The following CHRM5 variants were observed in gnomAD, a reference collection of about 807,000 sequenced individuals.
CHRM5 encodes cholinergic receptor muscarinic 5, also known as muscarinic acetylcholine receptor M5.
A neutral mutation model predicts 39.0 loss-of-function variants in CHRM5; 18 were observed. The ratio of observed to expected loss-of-function variants is 0.46; its 90% CI spans 0.32 to 0.68. CHRM5 has a LOEUF of 0.68. Ranked by LOEUF, CHRM5 falls within the 30% of genes least tolerant of loss-of-function variation. CHRM5 has a pLI of 0.04. For synonymous variants in CHRM5, 241 were observed against 246.3 expected (o/e 0.98, Z 0.20); for missense variants, 515 against 651.1 (o/e 0.79, Z 2.28).
chr15:33,992,658 CAAG>C lies in CHRM5; in HGVS notation c.-408+23513_-408+23515del, dbSNP rs1234163939. On this transcript the variant is annotated intron_variant, in intron 1 of 2. Transcript: ENST00000383263. ...ATATTGGCACAAACTATATACCATA[CAAG>C]AAGAGGGAAAAAAATGAGCTGAATC... Among the ~76,000 whole-genome samples, 14 of 9,196 alleles carry C rather than the reference CAAG, an allele frequency of 1.5e-3. No homozygotes were observed. The Admixed American group carries it at 0.017, about 11-fold the overall frequency. The allele number at this position is 9,196 out of a possible 152,430, so 6.0% of individuals were successfully genotyped here.
At chr15:34,011,248 T>C (rs1408975035) in intron 1 of CHRM5, among the ~76,000 whole-genome samples, 1 of 152,084 alleles carries the variant, frequency 6.6e-6, no homozygotes, top group Non-Finnish European at 1.5e-5. Flanking sequence ...CAGGGGGAAC[T>C]ACGCTAGCAA....
chr15:34,022,794 C>T (rs371863477), intron 1 of CHRM5, among the ~76,000 whole-genome samples: 5 of 152,344 alleles, frequency 3.3e-5, no homozygotes, highest in African/African-American at 1.2e-4. Flanking sequence ...TTTTCCTGAC[C>T]TTCTGGCTGG....
intron 1 of CHRM5, among the ~76,000 whole-genome samples, chr15:34,010,114 T>C (rs959218967): frequency 3.3e-5 from 5 of 152,188 alleles, no homozygotes; most frequent in African/African-American, 1.2e-4. Flanking sequence ...CCCCTACCTT[T>C]AATATGGATT....
At chr15:34,031,851 A>G (rs1898852116) in intron 1 of CHRM5, among the ~76,000 whole-genome samples, 1 of 152,198 alleles carries the variant, frequency 6.6e-6, no homozygotes, top group Non-Finnish European at 1.5e-5. Flanking sequence ...GCATCCTCTG[A>G]CAAAACCCAC....
intron 2 of CHRM5, among the ~76,000 whole-genome samples, chr15:34,059,428 C>T (rs540122540): frequency 6.6e-6 from 1 of 152,298 alleles, no homozygotes; most frequent in Admixed American, 6.5e-5. Context: ...TACTTCTCTC[C>T]GGACTAATGC....
intron 1 of CHRM5, among the ~76,000 whole-genome samples, chr15:34,028,937 G>C (rs1051782190): frequency 2.6e-5 from 4 of 152,166 alleles, no homozygotes; most frequent in African/African-American, 7.2e-5. Flanking sequence ...GCAAAAAGCA[G>C]AACACTTACT....
chr15:33,992,237 ACAG>A (rs1215581731), intron 1 of CHRM5, among the ~76,000 whole-genome samples: 1 of 152,046 alleles, frequency 6.6e-6, no homozygotes, highest in Non-Finnish European at 1.5e-5. Context: ...AAAATACAAA[ACAG>A]TTAGCTGGGC....
chr15:34,067,004 A>G lies in CHRM5; in HGVS notation c.*2688A>G, dbSNP rs1900528942. ...TCAGAATGAATAGACCTAATTGTAA[A>G]CTACAGGGACCTGATGGGTGGGTGG... is the stretch of plus-strand genomic sequence containing the variant. On this transcript the variant is annotated 3_prime_UTR_variant, in exon 3 of 3. Transcript: ENST00000383263. 1 of 152,080 alleles carries G rather than the reference A, an allele frequency of 6.6e-6. No individual in the cohort carries two copies. The highest frequency in any genetic ancestry group is 1.5e-5 in the Non-Finnish European group (1 of 68,024). 9.4% of individuals were successfully genotyped at this position (152,080 alleles called of 1,614,324 possible).
chr15:33,994,726 AC>A (rs1896863918), intron 1 of CHRM5, among the ~76,000 whole-genome samples: 1 of 152,190 alleles, frequency 6.6e-6, no homozygotes, highest in Non-Finnish European at 1.5e-5. Flanking sequence ...TCAAAAATTC[AC>A]TGTTACAATG....
intron 1 of CHRM5, among the ~76,000 whole-genome samples, chr15:34,013,797 AG>A (rs991461622): frequency 2.6e-5 from 4 of 152,226 alleles, no homozygotes; most frequent in African/African-American, 9.6e-5. Flanking sequence ...AGTGGGAAGC[AG>A]GAGGATGACA....
At chr15:34,049,887 A>C in intron 2 of CHRM5, among the ~76,000 whole-genome samples, 1 of 107,180 alleles carries the variant, frequency 9.3e-6, no homozygotes, top group Non-Finnish European at 2.0e-5. Flanking sequence ...ATCAACATCA[A>C]CTTTTTTTTT....
chr15:34,037,296 C>G (rs1331608232), intron 1 of CHRM5, among the ~76,000 whole-genome samples: 2 of 151,948 alleles, frequency 1.3e-5, no homozygotes, highest in Admixed American at 6.6e-5. Context: ...ACGATCCCTG[C>G]AGCTAAGGAA....
intron 1 of CHRM5, among the ~76,000 whole-genome samples, chr15:34,023,153 C>G (rs1309657413): frequency 6.6e-6 from 1 of 152,152 alleles, no homozygotes; most frequent in Non-Finnish European, 1.5e-5. Flanking sequence ...TGCGCTCCAG[C>G]CTGGCAACAG....
chr15:34,027,219 G>T (rs542636722), intron 1 of CHRM5, among the ~76,000 whole-genome samples: 2 of 152,142 alleles, frequency 1.3e-5, no homozygotes, highest in African/African-American at 2.4e-5. Flanking sequence ...ACTCTGGTCT[G>T]CAGTTGCTTT....
At chr15:33,976,551 C>T (rs1289187427) in intron 1 of CHRM5, among the ~76,000 whole-genome samples, 3 of 152,124 alleles carry the variant, frequency 2.0e-5, no homozygotes, top group Non-Finnish European at 4.4e-5. Context: ...CTCCAGTAGA[C>T]AACACACTTT....
chr15:34,003,091 T>A (rs370441123), intron 1 of CHRM5: 5 of 1,613,908 alleles, frequency 3.1e-6, no homozygotes, highest in Non-Finnish European at 4.2e-6. Context: ...ACTTTCATTA[T>A]TGACCTCTTT....
At chr15:33,983,728 A>G (rs1296856075) in intron 1 of CHRM5, among the ~76,000 whole-genome samples, 1 of 152,148 alleles carries the variant, frequency 6.6e-6, no homozygotes, top group African/African-American at 2.4e-5. Context: ...TGAACAATAA[A>G]TGGAAAGGGA....
chr15:34,021,607 C>G (rs1898203508), intron 1 of CHRM5, among the ~76,000 whole-genome samples: 3 of 152,150 alleles, frequency 2.0e-5, no homozygotes, highest in African/African-American at 4.8e-5. Context: ...GTAATCCCAG[C>G]ACTTTGGGAG....
intron 1 of CHRM5, among the ~76,000 whole-genome samples, chr15:33,980,749 GCAGA>G (rs1228133352): frequency 1.3e-5 from 2 of 152,214 alleles, no homozygotes; most frequent in African/African-American, 2.4e-5. Context: ...CTTGCTCTAA[GCAGA>G]GTGTAGGCAA....
Sources: allele counts gnomAD v4.1 joint callset (sites outside exome capture counted in the v4.1 genomes callset), GRCh38; gene constraint gnomAD v4.1.1; transcripts MANE v1.5; gene names NCBI Gene and HGNC (gene_info 2026-07-23, HGNC 2026-07-21).